AP3B1: variants seen among roughly 807,000 people sequenced by gnomAD.
The protein encoded by AP3B1 is AP-3 complex subunit beta-1.
In AP3B1, 61 loss-of-function variants were observed where a neutral mutation model predicts 132.5. The observed-to-expected ratio is 0.46, with a 90% CI of 0.37 to 0.57. The LOEUF is 0.57. Ranked by LOEUF, AP3B1 falls within the 20% of genes least tolerant of loss-of-function variation. The pLI is 0.00. For synonymous variants in AP3B1, 388 were observed against 438.3 expected (o/e 0.89, Z 1.43); for missense variants, 1,120 against 1,289.4 (o/e 0.87, Z 2.01).
chr5:78,055,525 AATT>A (rs1386109403), intron 22 of AP3B1, among the ~76,000 whole-genome samples: 1 of 152,200 alleles, frequency 6.6e-6, no homozygotes, highest in Non-Finnish European at 1.5e-5. Flanking sequence ...CTCCTTCTTT[AATT>A]ATTATTAAAG....
chr5:78,283,966 T>G (rs1156526905), intron 1 of AP3B1, among the ~76,000 whole-genome samples: 2 of 152,350 alleles, frequency 1.3e-5, no homozygotes, highest in Middle Eastern at 3.4e-3. Flanking sequence ...CTAACCATCT[T>G]TCACCAGTCA....
chr5:78,192,829 T>A (rs570849225), intron 7 of AP3B1, among the ~76,000 whole-genome samples: 28 of 152,302 alleles, frequency 1.8e-4, no homozygotes, highest in Non-Finnish European at 2.8e-4. Context: ...CAGTCATCTA[T>A]CTATGAACCA....
In AP3B1 at chr5:78,123,412, T is replaced by C. The variant is rs1436809700; in HGVS notation, c.1968+4618A>G. On this transcript the variant is annotated intron_variant, in intron 17 of 26. Transcript: ENST00000255194. Reference sequence around the variant, plus strand: ...AACTACCATCAGAGTGAACAGGCAATCTACAGAATGGGAGAAAATTTTTGC... The same window carrying C: ...AACTACCATCAGAGTGAACAGGCAACCTACAGAATGGGAGAAAATTTTTGC... 1.8e-4 allele frequency among the ~76,000 whole-genome samples: 28 copies of C among 151,994 alleles called. No homozygotes were observed. In the South Asian group the frequency reaches 2.1e-3, roughly 11 times the overall value.
At chr5:78,166,116 G>GCC (rs1743610081) in intron 11 of AP3B1, among the ~76,000 whole-genome samples, 1 of 98,986 alleles carries the variant, frequency 1.0e-5, no homozygotes, top group Non-Finnish European at 1.9e-5. Context: ...CTGAAACTCT[G>GCC]TCACACACAC....
chr5:78,119,944 G>C (rs1752084689), intron 17 of AP3B1, among the ~76,000 whole-genome samples: 1 of 152,154 alleles, frequency 6.6e-6, no homozygotes, highest in Non-Finnish European at 1.5e-5. Flanking sequence ...CAGAGAGAAA[G>C]GTCGGGTTAC....
chr5:78,165,926 GGCATGGTGGT>G (rs757211656), intron 11 of AP3B1, among the ~76,000 whole-genome samples: 8 of 152,080 alleles, frequency 5.3e-5, no homozygotes, highest in South Asian at 2.1e-4. Context: ...AAATTAGCCG[GGCATGGTGGT>G]GCATGGTGGT....
intron 15 of AP3B1, among the ~76,000 whole-genome samples, chr5:78,139,318 T>C (rs1580397456): frequency 6.6e-6 from 1 of 152,130 alleles, no homozygotes. Context: ...ATATTGACTT[T>C]TGCCATACCA....
Position 78,294,698 on chromosome 5 carries a change from C to G in AP3B1, c.-119G>C, listed in dbSNP as rs550728979. The G allele has an allele frequency of 2.6e-6, 4 of 1,524,352 alleles. No homozygotes were observed. Among genetic ancestry groups the G allele is most frequent in the African/African-American group, 1.4e-5 (1 of 73,418 alleles). 94.4% of individuals were successfully genotyped at this position (1,524,352 alleles called of 1,614,324 possible). ...ACGGAGGAGCGCGCGCAGGCGCTTC[C>G]GGACTCGTCACGGCTCCCTGAGCCG... On this transcript the variant is annotated 5_prime_UTR_variant, in exon 1 of 27. Coordinates refer to ENST00000255194, the MANE Select transcript of AP3B1 (RefSeq NM_003664.5).
At chr5:78,291,813 G>A (rs1331387190) in intron 1 of AP3B1, among the ~76,000 whole-genome samples, 1 of 152,060 alleles carries the variant, frequency 6.6e-6, no homozygotes, top group Non-Finnish European at 1.5e-5. Flanking sequence ...ACACTTTATT[G>A]GAACAAAGGA....
At chr5:78,144,010 A>T (rs1753272797) in intron 14 of AP3B1, among the ~76,000 whole-genome samples, 1 of 152,170 alleles carries the variant, frequency 6.6e-6, no homozygotes, top group African/African-American at 2.4e-5. Flanking sequence ...GTCTCAAAAA[A>T]AAAAGAAAAG....
At chr5:78,027,484 T>C (rs1322572404) in intron 24 of AP3B1, among the ~76,000 whole-genome samples, 4 of 152,156 alleles carry the variant, frequency 2.6e-5, no homozygotes, top group South Asian at 2.1e-4. Context: ...TAAATTATTA[T>C]AGAGAAAGAC....
intron 20 of AP3B1, among the ~76,000 whole-genome samples, chr5:78,109,835 AAC>A (rs1002763467): frequency 3.3e-5 from 5 of 152,238 alleles, no homozygotes; most frequent in African/African-American, 1.2e-4. Flanking sequence ...GAAGCCTTAA[AAC>A]ACACTCTATT....
intron 11 of AP3B1, among the ~76,000 whole-genome samples, chr5:78,168,353 AGCTGGGACTACAGGT>A (rs1743751648): frequency 6.6e-6 from 1 of 151,278 alleles, no homozygotes; most frequent in Non-Finnish European, 1.5e-5. Context: ...CCTCCCAAGT[AGCTGGGACTACAGGT>A]GCATACCACC....
intron 23 of AP3B1, among the ~76,000 whole-genome samples, chr5:78,035,521 G>A (rs774137456): frequency 2.0e-5 from 3 of 151,794 alleles, no homozygotes; most frequent in African/African-American, 4.8e-5. Flanking sequence ...TGGTACAGTC[G>A]GGATAAAATA....
intron 1 of AP3B1, among the ~76,000 whole-genome samples, chr5:78,290,125 C>T (rs1183433123): frequency 3.3e-5 from 5 of 152,174 alleles, no homozygotes; most frequent in East Asian, 1.9e-4. Flanking sequence ...TATCACATCC[C>T]GTCTAGAAAT....
chr5:78,207,346 G>A (rs901666052), intron 7 of AP3B1, among the ~76,000 whole-genome samples: 2 of 151,496 alleles, frequency 1.3e-5, no homozygotes, highest in Non-Finnish European at 2.9e-5. Context: ...AAAATCACTT[G>A]AGCCTGGAAG....
At position 78,091,025 on chromosome 5, in the gene AP3B1, A is replaced by C. The variant is rs149437751; in HGVS notation, c.2471-1526T>G. Among the ~76,000 whole-genome samples the C allele has an allele frequency of 4.0e-3, 602 of 151,782 alleles. 7 individuals carry two copies. Among genetic ancestry groups the C allele is most frequent in the African/African-American group, 0.014 (572 of 41,412 alleles). ...TGGTCGCTAACTCCTAGGCTCAGGC[A>C]ATCTTCCTACCTTGGCCTCCCAAAC... On this transcript the variant is annotated intron_variant, in intron 21 of 26. Coordinates refer to ENST00000255194, the MANE Select transcript of AP3B1 (RefSeq NM_003664.5).
At chr5:78,117,079 C>A (rs1293763933) in intron 17 of AP3B1, among the ~76,000 whole-genome samples, 1 of 151,956 alleles carries the variant, frequency 6.6e-6, no homozygotes, top group Non-Finnish European at 1.5e-5. Flanking sequence ...CTGCTCTGGC[C>A]ATGCCTTACT....
At chr5:78,257,955 A>G (rs1747919379) in intron 2 of AP3B1, among the ~76,000 whole-genome samples, 1 of 152,214 alleles carries the variant, frequency 6.6e-6, no homozygotes, top group Non-Finnish European at 1.5e-5. Flanking sequence ...CTGGATATCC[A>G]TATGCAGGAA....
Sources: allele counts gnomAD v4.1 joint callset (sites outside exome capture counted in the v4.1 genomes callset), GRCh38; gene constraint gnomAD v4.1.1; transcripts MANE v1.5; gene names NCBI Gene and HGNC (gene_info 2026-07-23, HGNC 2026-07-21).